Variants in MTCL2 observed in about 807,000 individuals in gnomAD.
MTCL2 encodes the protein microtubule crosslinking factor 2, also known as microtubule cross-linking factor 2.
At chr20:36,816,680 G>A in the MTCL2 span, among the ~76,000 whole-genome samples, 9 of 152,164 alleles carry the variant, frequency 5.9e-5, no homozygotes, top group African/African-American at 1.7e-4. Flanking sequence ...AGGAGCTAAC[G>A]GTATGTGGCC....
chr20:36,828,484 G>A, the MTCL2 span: 1 of 152,774 alleles, frequency 6.5e-6, no homozygotes, highest in Non-Finnish European at 1.5e-5. Context: ...GGGAGGAACT[G>A]GCATGAACAA....
the MTCL2 span, among the ~76,000 whole-genome samples, chr20:36,826,653 C>T: frequency 1.4e-4 from 22 of 152,028 alleles, no homozygotes; most frequent in African/African-American, 5.3e-4. Context: ...GCTGGGGTTA[C>T]AAGCATGAGC....
At chr20:36,850,416 G>A in the MTCL2 span, among the ~76,000 whole-genome samples, 2 of 152,010 alleles carry the variant, frequency 1.3e-5, no homozygotes, top group East Asian at 3.9e-4. Flanking sequence ...AATCCCAGCT[G>A]CTCAGGAGGC....
the MTCL2 span, chr20:36,783,788 G>A: frequency 1.0e-6 from 1 of 985,376 alleles, no homozygotes; most frequent in Non-Finnish European, 1.2e-6. Flanking sequence ...CATTCCAAAA[G>A]AGTAGAGAAT....
the MTCL2 span, chr20:36,862,606 C>T: frequency 6.9e-7 from 1 of 1,441,190 alleles, no homozygotes. Context: ...GCCCGCGGGA[C>T]TGTGACAGCC....
chr20:36,803,635 G>A, the MTCL2 span, among the ~76,000 whole-genome samples: 2 of 151,978 alleles, frequency 1.3e-5, no homozygotes, highest in Non-Finnish European at 2.9e-5. Context: ...CCAGGAAGTA[G>A]CCAGGAGACT....
At chr20:36,855,231 A>G in the MTCL2 span, among the ~76,000 whole-genome samples, 1 of 152,240 alleles carries the variant, frequency 6.6e-6, no homozygotes, top group African/African-American at 2.4e-5. Context: ...GGGCAAGGAC[A>G]TCCACATCCC....
At chr20:36,839,385 C>T in the MTCL2 span, 4 of 1,613,490 alleles carry the variant, frequency 2.5e-6, no homozygotes, top group South Asian at 2.2e-5. This position sits in a 1 kb window ranked among gnomAD's most constrained non-coding sequence, Gnocchi z 5.1. Flanking sequence ...ACACGTCCTC[C>T]TCCATATAGA....
chr20:36,791,723 C>G, the MTCL2 span, among the ~76,000 whole-genome samples: 1 of 152,178 alleles, frequency 6.6e-6, no homozygotes, highest in East Asian at 1.9e-4. Flanking sequence ...AAAGTCAGAG[C>G]TGGGACAGCC....
the MTCL2 span, chr20:36,794,306 G>A: frequency 6.4e-7 from 1 of 1,559,910 alleles, no homozygotes; most frequent in South Asian, 1.2e-5. The surrounding 1 kb of genome is among the most constrained non-coding windows in gnomAD (Gnocchi z 5.4). Context: ...GAGGCGCCGG[G>A]CCACCGGGGG....
chr20:36,790,282 C>T, the MTCL2 span, among the ~76,000 whole-genome samples: 5 of 151,752 alleles, frequency 3.3e-5, no homozygotes, highest in South Asian at 2.1e-4. Flanking sequence ...TGAGCCACTG[C>T]GCCCGGCCAA....
chr20:36,843,655 T>C, the MTCL2 span, among the ~76,000 whole-genome samples: 2 of 152,216 alleles, frequency 1.3e-5, no homozygotes, highest in Non-Finnish European at 2.9e-5. Flanking sequence ...CAGATGGATC[T>C]GTGTTCAAAT....
chr20:36,826,306 C>T, the MTCL2 span, among the ~76,000 whole-genome samples: 1 of 21,950 alleles, frequency 4.6e-5, no homozygotes, highest in African/African-American at 1.9e-4. Context: ...CCCCCCTCCC[C>T]CTCCCCCTCC....
At chr20:36,863,273 GGCAGGCGCGGGT>G in the MTCL2 span, 61 of 1,191,852 alleles carry the variant, frequency 5.1e-5, no homozygotes, top group South Asian at 5.4e-4. This position sits in a 1 kb window ranked among gnomAD's most constrained non-coding sequence, Gnocchi z 6.2. Context: ...TCCTCTCCGG[GGCAGGCGCGGGT>G]GCAGGCGCGG....
chr20:36,786,795 GTTC>G, the MTCL2 span, among the ~76,000 whole-genome samples: 1 of 152,026 alleles, frequency 6.6e-6, no homozygotes, highest in Admixed American at 6.6e-5. Flanking sequence ...TCTTTCTGTT[GTTC>G]TTCTCCCATT....
the MTCL2 span, among the ~76,000 whole-genome samples, chr20:36,822,737 G>A: frequency 2.6e-5 from 4 of 151,880 alleles, no homozygotes; most frequent in Non-Finnish European, 5.9e-5. Context: ...CTGTGCTTCA[G>A]GTACAAAATT....
At chr20:36,785,116 A>G in the MTCL2 span, 1 of 985,388 alleles carries the variant, frequency 1.0e-6, no homozygotes, top group Non-Finnish European at 1.2e-6. Flanking sequence ...CTGGCCAAGT[A>G]CCAGGCATTG....
chr20:36,843,044 G>A, the MTCL2 span, among the ~76,000 whole-genome samples: 1 of 152,216 alleles, frequency 6.6e-6, no homozygotes, highest in East Asian at 1.9e-4. Flanking sequence ...GCCACTGGGA[G>A]GAGGGAGTGT....
At chr20:36,819,603 A>T in the MTCL2 span, among the ~76,000 whole-genome samples, 1 of 98,718 alleles carries the variant, frequency 1.0e-5, no homozygotes, top group Non-Finnish European at 2.1e-5. Context: ...TACACATCAG[A>T]ATTACTCAAA....
Sources: allele counts gnomAD v4.1 joint callset (sites outside exome capture counted in the v4.1 genomes callset), GRCh38; gene constraint gnomAD v4.1.1; non-coding constraint Gnocchi (gnomAD v3.1); transcripts MANE v1.5; gene names NCBI Gene and HGNC (gene_info 2026-07-23, HGNC 2026-07-21).